ARHGAP12: variants seen among roughly 807,000 people sequenced by gnomAD.
ARHGAP12 encodes rho GTPase-activating protein 12.
ARHGAP12 carries 64 observed loss-of-function variants against 108.6 expected under a neutral mutation model. The observed-to-expected ratio is 0.59, with a 90% CI of 0.48 to 0.73. The LOEUF (loss-of-function observed/expected upper bound fraction) is 0.73. ARHGAP12 is among the 30% of genes least tolerant of loss of function. ARHGAP12 has a pLI of 0.00. For missense variants in ARHGAP12, 940 were observed against 1,005.9 expected, an observed-to-expected ratio of 0.93 and a Z score of 0.89; for synonymous variants, 312 against 337.2, an observed-to-expected ratio of 0.93 and a Z score of 0.82.
At chr10:31,824,101 A>G (rs951242) in intron 11 of ARHGAP12, among the ~76,000 whole-genome samples, 35,381 of 151,996 alleles carry the variant, frequency 0.23, 4,412 homozygotes, top group East Asian at 0.47. Context: ...AAATACTCTT[A>G]CTTCCTTTTA....
intron 11 of ARHGAP12, among the ~76,000 whole-genome samples, chr10:31,824,460 C>G (rs1368408059): frequency 6.6e-6 from 1 of 152,080 alleles, no homozygotes; most frequent in Non-Finnish European, 1.5e-5. Context: ...AACTATGTTT[C>G]GGCTATTGCC....
intron 3 of ARHGAP12, 39 bp from the exon 4 acceptor site, chr10:31,861,697 G>T (rs778895420): frequency 2.0e-6 from 3 of 1,535,354 alleles, no homozygotes; most frequent in Non-Finnish European, 2.6e-6. Flanking sequence ...GTTTAAACTG[G>T]TATAACATTT....
At chr10:31,837,638 C>G (rs1239469770) in intron 9 of ARHGAP12, among the ~76,000 whole-genome samples, 2 of 152,060 alleles carry the variant, frequency 1.3e-5, no homozygotes, top group African/African-American at 4.8e-5. Context: ...GGGGTACTGC[C>G]TAAGCCAACA....
chr10:31,849,108 G>A (rs1208756765), intron 6 of ARHGAP12, among the ~76,000 whole-genome samples: 5 of 151,410 alleles, frequency 3.3e-5, no homozygotes, highest in Non-Finnish European at 2.9e-5. Context: ...ACCATGTTTT[G>A]ATTCTTCTTA....
chr10:31,903,746 C>A (rs949611787), intron 3 of ARHGAP12, among the ~76,000 whole-genome samples: 2 of 139,480 alleles, frequency 1.4e-5, no homozygotes, highest in Non-Finnish European at 3.1e-5. Flanking sequence ...AAAAAAAAAA[C>A]TCTCAAAATT....
intron 1 of ARHGAP12, among the ~76,000 whole-genome samples, chr10:31,927,458 A>C (rs1028025083): frequency 6.6e-6 from 1 of 152,154 alleles, no homozygotes; most frequent in African/African-American, 2.4e-5. Context: ...TAACCTCTAG[A>C]AGTCGGGTGG....
chr10:31,908,907 G>A lies in ARHGAP12; in HGVS notation c.-52C>T. On this transcript the variant is annotated 5_prime_UTR_variant, in exon 3 of 20. Transcript: ENST00000344936. ...ATGTTATACCACATTATGGCTTTAT[G>A]GCTTGTTGGATGAATATAGCTGTTT... 1 of 1,457,666 alleles carries A rather than the reference G, an allele frequency of 6.9e-7. No homozygotes were observed. Among genetic ancestry groups the A allele is most frequent in the Non-Finnish European group, 9.2e-7 (1 of 1,090,012 alleles). 90.3% of individuals were successfully genotyped at this position (1,457,666 alleles called of 1,614,324 possible). A position where few individuals can be genotyped will look rare whatever the true frequency, so the allele number is the denominator to read the frequency against.
chr10:31,898,833 CACA>C (rs1407660216), intron 3 of ARHGAP12, among the ~76,000 whole-genome samples: 1 of 151,660 alleles, frequency 6.6e-6, no homozygotes, highest in South Asian at 2.1e-4. Context: ...GTGATGTTCC[CACA>C]ACAATAAAAT....
intron 3 of ARHGAP12, among the ~76,000 whole-genome samples, chr10:31,873,818 A>G (rs1447804191): frequency 6.6e-6 from 1 of 152,244 alleles, no homozygotes; most frequent in East Asian, 1.9e-4. Context: ...TGTTAAAAGT[A>G]TTCATCCAGA....
At chr10:31,832,792 G>A (rs898807572) in intron 9 of ARHGAP12, among the ~76,000 whole-genome samples, 2 of 151,904 alleles carry the variant, frequency 1.3e-5, no homozygotes, top group African/African-American at 4.8e-5. Flanking sequence ...ATAATATTGA[G>A]CATTTTTTTT....
intron 3 of ARHGAP12, among the ~76,000 whole-genome samples, chr10:31,872,465 C>T (rs1837575559): frequency 6.6e-6 from 1 of 152,146 alleles, no homozygotes; most frequent in African/African-American, 2.4e-5. Context: ...ACTCCTCAAG[C>T]AGCTATCTCT....
At position 31,853,625 on chromosome 10, in the gene ARHGAP12, T is replaced by C. The variant is rs550136091; in HGVS notation, c.1089+441A>G. Reference sequence around the variant, plus strand: ...ATGCAATACACACATAAAATGTCAATATTCATTACAGACTAATCATAAAAT... The same window carrying C: ...ATGCAATACACACATAAAATGTCAACATTCATTACAGACTAATCATAAAAT... On this transcript the variant is annotated intron_variant, in intron 5 of 19. Transcript: ENST00000344936. Among the ~76,000 whole-genome samples the C allele has an allele frequency of 5.3e-5, 8 of 152,310 alleles. No individual in the cohort carries two copies. In the South Asian group the frequency reaches 1.7e-3, roughly 32 times the overall value.
intron 3 of ARHGAP12, among the ~76,000 whole-genome samples, chr10:31,905,392 T>G (rs1839093278): frequency 6.6e-6 from 1 of 152,198 alleles, no homozygotes; most frequent in South Asian, 2.1e-4. Flanking sequence ...TAAAATTCTT[T>G]TAACTGCCTT....
chr10:31,863,417 G>T (rs1837207869), intron 3 of ARHGAP12, among the ~76,000 whole-genome samples: 1 of 152,098 alleles, frequency 6.6e-6, no homozygotes, highest in African/African-American at 2.4e-5. Context: ...ACTAGAACTT[G>T]GGGAAATAAA....
At chr10:31,892,996 G>A (rs9417894) in intron 3 of ARHGAP12, among the ~76,000 whole-genome samples, 30,237 of 152,036 alleles carry the variant, frequency 0.2, 3,328 homozygotes, top group East Asian at 0.39. Flanking sequence ...GCTCCTGAAT[G>A]ACTACTGGGT....
intron 3 of ARHGAP12, among the ~76,000 whole-genome samples, chr10:31,870,956 T>C (rs1592316001): frequency 6.6e-6 from 1 of 152,252 alleles, no homozygotes; most frequent in African/African-American, 2.4e-5. Context: ...AATAGGACAG[T>C]CCCTGTCCTT....
intron 1 of ARHGAP12, among the ~76,000 whole-genome samples, chr10:31,914,827 A>G (rs1444525520): frequency 1.8e-4 from 28 of 152,212 alleles, no homozygotes; most frequent in Non-Finnish European, 2.9e-5. Flanking sequence ...ATGTGAAGAG[A>G]TATCTGCACT....
chr10:31,868,436 A>G (rs1012803730), intron 3 of ARHGAP12, among the ~76,000 whole-genome samples: 4 of 152,120 alleles, frequency 2.6e-5, no homozygotes, highest in Non-Finnish European at 5.9e-5. Flanking sequence ...TTGAGGGGAC[A>G]AGGATGTGGG....
At chr10:31,837,243 A>T (rs1264174496) in intron 9 of ARHGAP12, among the ~76,000 whole-genome samples, 1 of 152,240 alleles carries the variant, frequency 6.6e-6, no homozygotes, top group Non-Finnish European at 1.5e-5. Flanking sequence ...ACTTTTCTAG[A>T]TGGACAGATT....
Sources: allele counts gnomAD v4.1 joint callset (sites outside exome capture counted in the v4.1 genomes callset), GRCh38; gene constraint gnomAD v4.1.1; transcripts MANE v1.5; gene names NCBI Gene and HGNC (gene_info 2026-07-23, HGNC 2026-07-21).